ARHGAP29: variants seen among roughly 807,000 people sequenced by gnomAD.
ARHGAP29 encodes rho GTPase-activating protein 29.
A neutral mutation model predicts 122.6 loss-of-function variants in ARHGAP29; 43 were observed. The ratio of observed to expected loss-of-function variants is 0.35; its 90% CI spans 0.27 to 0.45. The LOEUF (loss-of-function observed/expected upper bound fraction) is 0.45, where lower values mean the gene tolerates loss of function less well. Ranked by LOEUF, ARHGAP29 falls within the 20% of genes least tolerant of loss-of-function variation. The pLI, the probability that ARHGAP29 is intolerant of heterozygous loss-of-function variation, is 1.00. For missense variants in ARHGAP29, 1,303 were observed against 1,477.2 expected (o/e 0.88, Z 1.93); for synonymous variants, 506 against 497.1 (o/e 1.02, Z -0.24).
intron 1 of ARHGAP29, among the ~76,000 whole-genome samples, chr1:94,235,469 T>C (rs1055351463): frequency 1.3e-5 from 2 of 152,158 alleles, no homozygotes; most frequent in Non-Finnish European, 2.9e-5. Flanking sequence ...AGAAAAGTCA[T>C]TATTACTAGC....
intron 2 of ARHGAP29, among the ~76,000 whole-genome samples, chr1:94,229,586 C>A (rs554951428): frequency 6.6e-6 from 1 of 151,794 alleles, no homozygotes; most frequent in African/African-American, 2.4e-5. Flanking sequence ...ATCAAAAAAA[C>A]AGTTTATCTA....
At chr1:94,251,054 G>A (rs116783357) in intron 1 of ARHGAP29, among the ~76,000 whole-genome samples, 10 of 151,976 alleles carry the variant, frequency 6.6e-5, no homozygotes, top group Non-Finnish European at 1.2e-4. Flanking sequence ...ACTTTACTCC[G>A]TGCTAGTAAA....
chr1:94,176,721 C>G (rs72727430), intron 22 of ARHGAP29: 4,061 of 152,242 alleles, frequency 0.027, 78 homozygotes, highest in Non-Finnish European at 0.036. Context: ...GATTCTCCTG[C>G]CTTAGCCTCC....
At chr1:94,267,600 T>C (rs553736256) in intron 1 of ARHGAP29, among the ~76,000 whole-genome samples, 1 of 151,846 alleles carries the variant, frequency 6.6e-6, no homozygotes, top group East Asian at 1.9e-4. Context: ...AATCTTCCAT[T>C]TTATACACGA....
the ARHGAP29 span, chr1:94,303,146 T>A: frequency 6.6e-6 from 1 of 152,510 alleles, no homozygotes; most frequent in African/African-American, 2.4e-5. Flanking sequence ...TCATTGTTTC[T>A]ACATCAGACA....
At chr1:94,225,105 T>C (rs1215730343) in intron 2 of ARHGAP29, among the ~76,000 whole-genome samples, 1 of 152,164 alleles carries the variant, frequency 6.6e-6, no homozygotes, top group Admixed American at 6.5e-5. Flanking sequence ...CCTAATAATA[T>C]TTCAGTTGGA....
upstream of ARHGAP29, among the ~76,000 whole-genome samples, chr1:94,239,566 A>G (rs914403019): frequency 6.6e-6 from 1 of 152,106 alleles, no homozygotes; most frequent in South Asian, 2.1e-4. Flanking sequence ...ACAACAATAA[A>G]GGAGAAAGAA....
chr1:94,245,631 C>G (rs534318598), intron 1 of ARHGAP29, among the ~76,000 whole-genome samples: 10 of 152,300 alleles, frequency 6.6e-5, no homozygotes, highest in African/African-American at 2.2e-4. Flanking sequence ...AAAAATAAAG[C>G]ATCCCTTTAC....
At chr1:94,297,711 A>C in the ARHGAP29 span, among the ~76,000 whole-genome samples, 1 of 152,136 alleles carries the variant, frequency 6.6e-6, no homozygotes, top group Admixed American at 6.5e-5. Flanking sequence ...CACATGACAT[A>C]GAGTGTTTCA....
At chr1:94,197,362 T>C (rs1263315884) in intron 12 of ARHGAP29, among the ~76,000 whole-genome samples, 1 of 151,924 alleles carries the variant, frequency 6.6e-6, no homozygotes. Flanking sequence ...ACTGAATACG[T>C]AGTAAAAAAA....
intron 5 of ARHGAP29, among the ~76,000 whole-genome samples, chr1:94,207,064 A>AG (rs1651248299): frequency 6.7e-6 from 1 of 150,336 alleles, no homozygotes; most frequent in Non-Finnish European, 1.5e-5. Flanking sequence ...GCTGGAGTGC[A>AG]GCGCCACGAT....
rs146489766 is a variant in ARHGAP29, at chr1:94,173,028, T to C, written c.*841A>G. Reference sequence around the variant, plus strand: ...ACAAATCAAGAGGAAATGCACTGAATTCAAAAACTTCTGAAACAGGCATTT... The same window carrying C: ...ACAAATCAAGAGGAAATGCACTGAACTCAAAAACTTCTGAAACAGGCATTT... On this transcript the variant is annotated 3_prime_UTR_variant, in exon 23 of 23. Coordinates refer to ENST00000260526, the MANE Select transcript of ARHGAP29 (RefSeq NM_004815.4). 5.2e-5 allele frequency: 8 copies of C among 152,680 alleles called. No homozygotes were observed. The highest frequency in any genetic ancestry group is 5.2e-4 in the Admixed American group (8 of 15,284). 9.5% of individuals were successfully genotyped at this position (152,680 alleles called of 1,614,324 possible).
the ARHGAP29 span, among the ~76,000 whole-genome samples, chr1:94,303,455 A>T: frequency 2.6e-5 from 4 of 152,126 alleles, no homozygotes; most frequent in Non-Finnish European, 4.4e-5. Flanking sequence ...CGAGTTCCAG[A>T]TTTGCAAGAT....
At chr1:94,196,256 CTTTTTTTTTTTTT>C (rs917635883) in intron 12 of ARHGAP29, among the ~76,000 whole-genome samples, 3 of 91,150 alleles carry the variant, frequency 3.3e-5, no homozygotes, top group African/African-American at 1.3e-4. Flanking sequence ...CCGTGTTTTT[CTTTTTTTTTTTTT>C]TTTTTTTTTT....
chr1:94,184,003 A>G (rs1649636855), intron 19 of ARHGAP29, 148 bp downstream of exon 19: 1 of 792,626 alleles, frequency 1.3e-6, no homozygotes, highest in African/African-American at 1.8e-5. Flanking sequence ...TATTTCATAT[A>G]CTCTGACCTA....
In ARHGAP29 at chr1:94,171,124, C is replaced by T. The variant is rs1442575342; in HGVS notation, c.*2745G>A. 1.3e-5 allele frequency among the ~76,000 whole-genome samples: 2 copies of T among 152,124 alleles called. No individual in the cohort carries two copies. The highest frequency in any genetic ancestry group is 1.5e-5 in the Non-Finnish European group (1 of 68,032). On this transcript the variant is annotated 3_prime_UTR_variant, in exon 23 of 23. Coordinates refer to ENST00000260526, the MANE Select transcript of ARHGAP29 (RefSeq NM_004815.4). ...ATGGTTGTCATTTAGAGAGATGTTT[C>T]CAGTTGTATAAATACTGTAACACAA... is the stretch of plus-strand genomic sequence containing the variant.
chr1:94,259,386 T>A (rs1427768117), intron 1 of ARHGAP29, among the ~76,000 whole-genome samples: 1 of 152,240 alleles, frequency 6.6e-6, no homozygotes, highest in African/African-American at 2.4e-5. Context: ...GGACATGTTG[T>A]AGTGGATCAA....
At chr1:94,221,576 T>C (rs1045517161) in intron 2 of ARHGAP29, among the ~76,000 whole-genome samples, 16 of 150,450 alleles carry the variant, frequency 1.1e-4, no homozygotes, top group Admixed American at 3.3e-4. Context: ...TTTATACACA[T>C]TTCTGTATGA....
In ARHGAP29 at chr1:94,231,582, C is replaced by CT; in HGVS notation, c.29dup (p.Lys11GlufsTer13). 1 of 1,613,456 alleles carries CT rather than the reference C, an allele frequency of 6.2e-7. No homozygotes were observed. The highest frequency in any genetic ancestry group is 8.5e-7 in the Non-Finnish European group (1 of 1,179,654). ...GACCTGATGCCCAAGCACGTTTTTT[C>CT]TTTGTCTTTTTCTGTTTGTGAGCAA... is the stretch of plus-strand genomic sequence containing the variant. On this transcript the variant is annotated frameshift_variant, in exon 2 of 23. Coordinates refer to ENST00000260526, the MANE Select transcript of ARHGAP29 (RefSeq NM_004815.4). LOFTEE classifies it high-confidence loss of function.
Sources: allele counts gnomAD v4.1 joint callset (sites outside exome capture counted in the v4.1 genomes callset), GRCh38; gene constraint gnomAD v4.1.1; transcripts MANE v1.5; gene names NCBI Gene and HGNC (gene_info 2026-07-23, HGNC 2026-07-21).